The following HS3ST4 variants were observed in gnomAD, a reference collection of about 807,000 sequenced individuals.
HS3ST4 encodes the protein heparan sulfate glucosamine 3-O-sulfotransferase 4.
A neutral mutation model predicts 29.2 loss-of-function variants in HS3ST4; 17 were observed. The ratio of observed to expected loss-of-function variants is 0.58; its 90% CI spans 0.40 to 0.87. The LOEUF (loss-of-function observed/expected upper bound fraction) is 0.87. Ranked by LOEUF, HS3ST4 falls within the 40% of genes least tolerant of loss-of-function variation. The probability of loss-of-function intolerance (pLI) is 0.00; values close to 1 mark genes in which losing one functional copy is unlikely to be tolerated. For missense variants in HS3ST4, 627 were observed against 634.5 expected, an observed-to-expected ratio of 0.99 and a Z score of 0.13; for synonymous variants, 314 against 285.7, an observed-to-expected ratio of 1.10 and a Z score of -1.00.
chr16:25,902,914 A>G (rs575768769), intron 1 of HS3ST4, among the ~76,000 whole-genome samples: 2 of 152,040 alleles, frequency 1.3e-5, no homozygotes, highest in African/African-American at 2.4e-5. Context: ...CCTGGTCAAC[A>G]TGGTGAGACC....
At chr16:26,102,009 C>T (rs1465985491) in intron 1 of HS3ST4, among the ~76,000 whole-genome samples, 1 of 152,120 alleles carries the variant, frequency 6.6e-6, no homozygotes, top group Admixed American at 6.5e-5. Flanking sequence ...AAATGCACTA[C>T]ATTGTTTGTT....
At chr16:25,749,359 G>A (rs1966704323) in intron 1 of HS3ST4, among the ~76,000 whole-genome samples, 3 of 152,120 alleles carry the variant, frequency 2.0e-5, no homozygotes, top group Admixed American at 2.0e-4. Context: ...GCTGGGCGTG[G>A]TGACATGCAC....
chr16:26,090,685 G>A (rs1343050060), intron 1 of HS3ST4, among the ~76,000 whole-genome samples: 5 of 152,082 alleles, frequency 3.3e-5, no homozygotes, highest in Non-Finnish European at 7.4e-5. Flanking sequence ...AAGGGCATGC[G>A]ATCATAGATA....
chr16:25,839,005 C>T (rs1328832560), intron 1 of HS3ST4, among the ~76,000 whole-genome samples: 2 of 152,168 alleles, frequency 1.3e-5, no homozygotes, highest in Non-Finnish European at 2.9e-5. Context: ...TTAGGGACCT[C>T]TTCATTTTGA....
chr16:25,900,775 AACATGGGACCTCAGGGAGTG>A (rs72030368), intron 1 of HS3ST4, among the ~76,000 whole-genome samples: 9,488 of 152,160 alleles, frequency 0.062, 389 homozygotes, highest in Non-Finnish European at 0.094. Flanking sequence ...CCGGCACTGT[AACATGGGACCTCAGGGAGTG>A]ACATGGGACC....
At chr16:25,914,077 T>G (rs1057437198) in intron 1 of HS3ST4, among the ~76,000 whole-genome samples, 2 of 146,720 alleles carry the variant, frequency 1.4e-5, no homozygotes, top group Non-Finnish European at 1.5e-5. Context: ...AGTGTGTGTG[T>G]GGGGGTATGA....
At chr16:26,040,072 A>G (rs1969621525) in intron 1 of HS3ST4, among the ~76,000 whole-genome samples, 1 of 152,332 alleles carries the variant, frequency 6.6e-6, no homozygotes, top group Admixed American at 6.5e-5. Context: ...GCCTGCAGAA[A>G]CAACACTTCG....
intron 1 of HS3ST4, among the ~76,000 whole-genome samples, chr16:25,850,789 T>C (rs1007817096): frequency 6.6e-6 from 1 of 152,214 alleles, no homozygotes; most frequent in Admixed American, 6.5e-5. Flanking sequence ...ACTGCCCTTT[T>C]GCGGGGCTTT....
chr16:26,095,383 A>T (rs970638919), intron 1 of HS3ST4, among the ~76,000 whole-genome samples: 7 of 152,236 alleles, frequency 4.6e-5, no homozygotes, highest in Non-Finnish European at 1.0e-4. Flanking sequence ...ACTCCTCAGC[A>T]AATGTAAAAG....
At chr16:25,947,977 G>A (rs1271531930) in intron 1 of HS3ST4, among the ~76,000 whole-genome samples, 8 of 152,068 alleles carry the variant, frequency 5.3e-5, no homozygotes, top group Admixed American at 2.6e-4. Context: ...TAAGTGCTTC[G>A]AGAAGTGCCT....
intron 1 of HS3ST4, among the ~76,000 whole-genome samples, chr16:25,999,835 A>G (rs7500930): frequency 1.9e-5 from 2 of 106,160 alleles, no homozygotes; most frequent in Admixed American, 2.3e-4. Context: ...TTTATATATT[A>G]TATATATTTT....
chr16:25,837,922 C>A (rs2141642993), intron 1 of HS3ST4, among the ~76,000 whole-genome samples: 1 of 152,134 alleles, frequency 6.6e-6, no homozygotes, highest in Non-Finnish European at 1.5e-5. Context: ...GTTTTTGAAC[C>A]CACCTCCCTC....
At chr16:25,715,215 G>A (rs1446812447) in intron 1 of HS3ST4, among the ~76,000 whole-genome samples, 1 of 151,700 alleles carries the variant, frequency 6.6e-6, no homozygotes, top group East Asian at 1.9e-4. Flanking sequence ...CCAGCTACTC[G>A]GGAGGCTGAG....
chr16:25,760,357 C>T (rs1966781793), intron 1 of HS3ST4, among the ~76,000 whole-genome samples: 1 of 151,882 alleles, frequency 6.6e-6, no homozygotes, highest in African/African-American at 2.4e-5. Context: ...TCTGTATTTT[C>T]TGTCTAATCC....
At chr16:25,695,599 G>A (rs938795459) in intron 1 of HS3ST4, among the ~76,000 whole-genome samples, 1 of 152,200 alleles carries the variant, frequency 6.6e-6, no homozygotes, top group Non-Finnish European at 1.5e-5. Flanking sequence ...AAAGGAAACA[G>A]TGGCATTGAT....
At chr16:25,939,248 A>C (rs556691443) in intron 1 of HS3ST4, among the ~76,000 whole-genome samples, 130 of 151,990 alleles carry the variant, frequency 8.6e-4, no homozygotes, top group African/African-American at 3.1e-3. Context: ...TTTTTAAGGA[A>C]AGTTTTGAGA....
chr16:25,757,779 T>C (rs1966766339), intron 1 of HS3ST4, among the ~76,000 whole-genome samples: 1 of 151,892 alleles, frequency 6.6e-6, no homozygotes, highest in Admixed American at 6.6e-5. Context: ...AAGTATCTCG[T>C]CGGGTGGGGC....
At chr16:25,701,167 G>C (rs1966332240) in intron 1 of HS3ST4, among the ~76,000 whole-genome samples, 1 of 152,152 alleles carries the variant, frequency 6.6e-6, no homozygotes, top group South Asian at 2.1e-4. Flanking sequence ...CACAGTTTAG[G>C]CAAGATGGTA....
intron 1 of HS3ST4, among the ~76,000 whole-genome samples, chr16:26,134,352 CT>C (rs1898250802): frequency 9.2e-6 from 1 of 108,324 alleles, no homozygotes; most frequent in South Asian, 3.0e-4. Flanking sequence ...CTTTTCTTTT[CT>C]TTTCTTTTCT....
Sources: gnomAD v4.1 joint callset for allele counts (sites outside exome capture counted in the v4.1 genomes callset) on GRCh38, gnomAD v4.1.1 for gene constraint, MANE v1.5 for transcripts, NCBI Gene and HGNC (gene_info 2026-07-23, HGNC 2026-07-21) for gene names.